The following ERICH1 variants were observed in gnomAD, a reference collection of about 807,000 sequenced individuals.
ERICH1 encodes glutamate rich 1.
Under a neutral mutation model 39.6 loss-of-function variants are expected in ERICH1, and 56 were observed. The ratio of observed to expected loss-of-function variants is 1.41; its 90% CI spans 1.14 to 1.77. The LOEUF (loss-of-function observed/expected upper bound fraction) is 1.77, where lower values mean the gene tolerates loss of function less well. Among genes scored for constraint, ERICH1 ranks in the 40% most tolerant of loss-of-function variants. ERICH1 has a pLI of 0.00. For synonymous variants in ERICH1, 313 were observed against 223.6 expected (o/e 1.40, Z -3.57); for missense variants, 826 against 575.4 (o/e 1.44, Z -4.45).
chr8:716,769 G>T (rs1816101891), intron 1 of ERICH1, among the ~76,000 whole-genome samples: 1 of 152,174 alleles, frequency 6.6e-6, no homozygotes, highest in African/African-American at 2.4e-5. Context: ...TTTAGGAACA[G>T]GGAGGCAGGG....
At chr8:699,683 GCA>G (rs1450013015) in intron 2 of ERICH1, among the ~76,000 whole-genome samples, 3 of 150,022 alleles carry the variant, frequency 2.0e-5, no homozygotes, top group Non-Finnish European at 4.4e-5. Flanking sequence ...CCGCACACGT[GCA>G]CAGACTCACA....
At chr8:719,541 T>C (rs1816808517) in intron 1 of ERICH1, among the ~76,000 whole-genome samples, 1 of 152,198 alleles carries the variant, frequency 6.6e-6, no homozygotes, top group South Asian at 2.1e-4. Flanking sequence ...CGACTCTCTT[T>C]CCTTCATAAC....
At chr8:680,422 G>C (rs1399891003) in intron 3 of ERICH1, among the ~76,000 whole-genome samples, 1 of 150,136 alleles carries the variant, frequency 6.7e-6, no homozygotes, top group African/African-American at 2.5e-5. Context: ...ATCCATAGCT[G>C]CCACCCCTCC....
intron 2 of ERICH1, among the ~76,000 whole-genome samples, chr8:694,773 C>G (rs1032700204): frequency 1.3e-5 from 2 of 152,202 alleles, no homozygotes; most frequent in Non-Finnish European, 2.9e-5. Context: ...ACACTTACGC[C>G]TTGCACAAGT....
intron 3 of ERICH1, among the ~76,000 whole-genome samples, chr8:632,031 T>A (rs1478727520): frequency 6.6e-6 from 1 of 152,194 alleles, no homozygotes; most frequent in Non-Finnish European, 1.5e-5. Flanking sequence ...ACAGCCGGAA[T>A]AGACTCGAGC....
At chr8:730,443 C>T (rs115962515) in intron 1 of ERICH1, among the ~76,000 whole-genome samples, 1 of 152,136 alleles carries the variant, frequency 6.6e-6, no homozygotes, top group African/African-American at 2.4e-5. Flanking sequence ...CCAAGTAACA[C>T]GAGATTCATG....
intron 3 of ERICH1, among the ~76,000 whole-genome samples, chr8:620,850 C>A (rs1053236433): frequency 2.6e-5 from 4 of 152,006 alleles, no homozygotes; most frequent in African/African-American, 4.8e-5. Context: ...CTTCAATACC[C>A]CACTTTTAAT....
chr8:686,930 G>A (rs1807541873), intron 3 of ERICH1, among the ~76,000 whole-genome samples: 1 of 125,518 alleles, frequency 8.0e-6, no homozygotes, highest in African/African-American at 2.9e-5. Flanking sequence ...AGGGTGAGAT[G>A]CGAGGAATGC....
Position 645,721 on chromosome 8 carries a change from G to T in ERICH1, c.976+22877C>A, listed in dbSNP as rs190005831. Among the ~76,000 whole-genome samples, 3 of 68,602 alleles carry T rather than the reference G, an allele frequency of 4.4e-5. 1 individual carries two copies. The highest frequency in any genetic ancestry group is 1.4e-4 in the Non-Finnish European group (3 of 21,792). 45.0% of individuals were successfully genotyped at this position (68,602 alleles called of 152,430 possible). On this transcript the variant is annotated intron_variant, in intron 3 of 3. Coordinates refer to the ERICH1 transcript ENST00000522706. ...CTGCCCAGGCTGGTCTCAAACTCCT[G>T]GAAGCAGTCCCCCCACCTCAGCCTC...
At chr8:677,954 C>T (rs1805238573) in intron 3 of ERICH1, among the ~76,000 whole-genome samples, 1 of 152,104 alleles carries the variant, frequency 6.6e-6, no homozygotes, top group African/African-American at 2.4e-5. Flanking sequence ...GGGTCAGCTT[C>T]CCCTCCTAAG....
At chr8:633,282 C>T (rs1026908047) in intron 3 of ERICH1, among the ~76,000 whole-genome samples, 4 of 152,262 alleles carry the variant, frequency 2.6e-5, no homozygotes, top group African/African-American at 7.2e-5. Context: ...CAGCTAAAAA[C>T]GTGTATTGCA....
At chr8:679,119 CCTCTCACAG>C (rs1805518912) in intron 3 of ERICH1, among the ~76,000 whole-genome samples, 1 of 150,430 alleles carries the variant, frequency 6.6e-6, no homozygotes, top group African/African-American at 2.4e-5. Flanking sequence ...ACAGCTCCCA[CCTCTCACAG>C]CTCTCACCCG....
intron 3 of ERICH1, among the ~76,000 whole-genome samples, chr8:623,237 T>C (rs1797396507): frequency 1.3e-5 from 2 of 152,240 alleles, no homozygotes; most frequent in African/African-American, 2.4e-5. Context: ...AATTCAAGGG[T>C]GGTTTGGCAA....
intron 3 of ERICH1, among the ~76,000 whole-genome samples, chr8:674,411 C>T (rs533654638): frequency 3.6e-4 from 54 of 151,102 alleles, no homozygotes; most frequent in South Asian, 3.4e-3. Flanking sequence ...CAAGTGATTC[C>T]GGTACCACTG....
chr8:711,773 A>G (rs185129641), intron 2 of ERICH1, among the ~76,000 whole-genome samples: 2 of 152,202 alleles, frequency 1.3e-5, no homozygotes, highest in African/African-American at 4.8e-5. Flanking sequence ...CTGGGATTAT[A>G]GGTGTGATCC....
chr8:724,309 C>G (rs1331136678), intron 1 of ERICH1, among the ~76,000 whole-genome samples: 2 of 152,186 alleles, frequency 1.3e-5, no homozygotes, highest in African/African-American at 2.4e-5. Context: ...GATCCGATCT[C>G]TACAAATAAA....
At chr8:681,183 G>T (rs1806041703) in intron 3 of ERICH1, among the ~76,000 whole-genome samples, 1 of 152,136 alleles carries the variant, frequency 6.6e-6, no homozygotes, top group African/African-American at 2.4e-5. Flanking sequence ...GCAGCTCCAG[G>T]GTCACCCAAA....
chr8:623,730 T>C (rs184724943), intron 3 of ERICH1, among the ~76,000 whole-genome samples: 74 of 152,320 alleles, frequency 4.9e-4, no homozygotes, highest in African/African-American at 1.5e-3. Flanking sequence ...TTTCTTGCAC[T>C]ACACTAACAC....
chr8:699,590 CCTA>C (rs1811214401), intron 2 of ERICH1, among the ~76,000 whole-genome samples: 1 of 94,338 alleles, frequency 1.1e-5, no homozygotes, highest in Non-Finnish European at 3.0e-5. Flanking sequence ...TCATTTCCCT[CCTA>C]TTTTCATCAT....
Sources: allele counts gnomAD v4.1 joint callset (sites outside exome capture counted in the v4.1 genomes callset), GRCh38; gene constraint gnomAD v4.1.1; transcripts MANE v1.5; gene names NCBI Gene and HGNC (gene_info 2026-07-23, HGNC 2026-07-21).